TAFA2: variants seen among roughly 807,000 people sequenced by gnomAD.
The protein encoded by TAFA2 is TAFA chemokine like family member 2.
Under a neutral mutation model 18.8 loss-of-function variants are expected in TAFA2, and 7 were observed. That is an observed-to-expected ratio of 0.37 (90% CI 0.21 to 0.70). The LOEUF is 0.70. TAFA2 is among the 30% of genes least tolerant of loss of function. The probability of loss-of-function intolerance (pLI) is 0.53; values close to 1 mark genes in which losing one functional copy is unlikely to be tolerated. For synonymous variants in TAFA2, 60 were observed against 54.2 expected (o/e 1.11, Z -0.47); for missense variants, 122 against 158.1 (o/e 0.77, Z 1.23).
chr12:62,141,304 T>TA (rs1024089941), intron 1 of TAFA2, among the ~76,000 whole-genome samples: 52 of 152,326 alleles, frequency 3.4e-4, no homozygotes, highest in African/African-American at 1.0e-3. Context: ...AATTGACCTA[T>TA]AGCACTGCGA....
At chr12:61,896,113 G>T (rs147977175) in intron 1 of TAFA2, among the ~76,000 whole-genome samples, 8 of 152,232 alleles carry the variant, frequency 5.3e-5, no homozygotes, top group Middle Eastern at 6.8e-3. Context: ...AAAGGGTGAT[G>T]GGTCAGCAGG....
chr12:61,776,357 GA>G, intron 2 of TAFA2: 1 of 169,956 alleles, frequency 5.9e-6, no homozygotes, highest in Non-Finnish European at 1.3e-5. Flanking sequence ...AGAACCAACG[GA>G]AAGGAGCCTG....
intron 1 of TAFA2, among the ~76,000 whole-genome samples, chr12:62,066,932 C>A (rs1345634551): frequency 6.6e-6 from 1 of 152,074 alleles, no homozygotes; most frequent in Non-Finnish European, 1.5e-5. Flanking sequence ...TTCCTACCAA[C>A]AGTGTAGAGG....
intron 4 of TAFA2, among the ~76,000 whole-genome samples, chr12:61,736,233 G>C (rs369261600): frequency 6.6e-6 from 1 of 151,960 alleles, no homozygotes; most frequent in Non-Finnish European, 1.5e-5. Flanking sequence ...ACTAATCTCT[G>C]TTAGTCTTCA....
chr12:61,769,490 C>T (rs1337560492), intron 2 of TAFA2, among the ~76,000 whole-genome samples: 1 of 152,054 alleles, frequency 6.6e-6, no homozygotes, highest in Non-Finnish European at 1.5e-5. Context: ...GTCCACTTTA[C>T]TCCCCTGCTA....
chr12:61,765,627 T>C (rs559393951), intron 2 of TAFA2, among the ~76,000 whole-genome samples: 1 of 152,180 alleles, frequency 6.6e-6, no homozygotes, highest in East Asian at 1.9e-4. Flanking sequence ...ATAGGTGAAA[T>C]AGGAATTGTG....
chr12:62,227,011 C>G (rs1306357665), intron 1 of TAFA2, among the ~76,000 whole-genome samples: 1 of 152,200 alleles, frequency 6.6e-6, no homozygotes, highest in Non-Finnish European at 1.5e-5. Flanking sequence ...TGGGAACACC[C>G]TGCTTAAAAT....
upstream of TAFA2, among the ~76,000 whole-genome samples, chr12:62,196,052 A>T (rs1255490333): frequency 1.3e-5 from 2 of 152,218 alleles, no homozygotes; most frequent in Non-Finnish European, 2.9e-5. Context: ...CTACCTAAGC[A>T]CTTACTGCCT....
chr12:61,952,973 G>A (rs1222880796), intron 1 of TAFA2, among the ~76,000 whole-genome samples: 1 of 151,946 alleles, frequency 6.6e-6, no homozygotes, highest in Non-Finnish European at 1.5e-5. Flanking sequence ...AGAGAACCAA[G>A]ACCAAAGTCT....
chr12:61,910,710 T>G (rs1235906815), intron 1 of TAFA2, among the ~76,000 whole-genome samples: 1 of 152,160 alleles, frequency 6.6e-6, no homozygotes, highest in Non-Finnish European at 1.5e-5. Flanking sequence ...CACACATAAC[T>G]ATGAAAGTGG....
At chr12:61,970,412 T>C (rs985559656) in intron 1 of TAFA2, among the ~76,000 whole-genome samples, 5 of 151,648 alleles carry the variant, frequency 3.3e-5, no homozygotes, top group African/African-American at 1.2e-4. Flanking sequence ...TCGGAAGCTA[T>C]AATTGTTAAA....
chr12:61,935,495 C>A (rs1479747190), intron 1 of TAFA2, among the ~76,000 whole-genome samples: 1 of 152,144 alleles, frequency 6.6e-6, no homozygotes, highest in Non-Finnish European at 1.5e-5. Flanking sequence ...CAAAGTCCAT[C>A]CAATATACCA....
At chr12:62,050,129 AAG>A (rs1882012532) in intron 1 of TAFA2, among the ~76,000 whole-genome samples, 1 of 152,238 alleles carries the variant, frequency 6.6e-6, no homozygotes, top group East Asian at 1.9e-4. Flanking sequence ...CTCTTTTGAA[AAG>A]AGAATTTTGA....
At chr12:61,883,558 G>A (rs1430413283) in intron 1 of TAFA2, among the ~76,000 whole-genome samples, 4 of 152,176 alleles carry the variant, frequency 2.6e-5, no homozygotes, top group Admixed American at 1.3e-4. Flanking sequence ...CAAAGGACTT[G>A]TAATAAAGGA....
intron 1 of TAFA2, among the ~76,000 whole-genome samples, chr12:62,158,813 T>C (rs1475685292): frequency 6.6e-6 from 1 of 152,186 alleles, no homozygotes; most frequent in East Asian, 1.9e-4. Flanking sequence ...ATCTCCTGAG[T>C]TGTCTCCATT....
intron 1 of TAFA2, among the ~76,000 whole-genome samples, chr12:62,010,034 A>T (rs879665421): frequency 3.3e-5 from 5 of 152,176 alleles, no homozygotes; most frequent in African/African-American, 4.8e-5. Flanking sequence ...AAATGTGCCT[A>T]AGAAACACAC....
At chr12:62,114,737 C>T (rs1869885770) in intron 1 of TAFA2, among the ~76,000 whole-genome samples, 1 of 152,132 alleles carries the variant, frequency 6.6e-6, no homozygotes, top group South Asian at 2.1e-4. Context: ...AACTATAGGG[C>T]CAGCCTTTGA....
In TAFA2 at chr12:62,231,153, T is replaced by C. The variant is rs937592019; in HGVS notation, c.-130+27610A>G. Among the ~76,000 whole-genome samples the C allele has an allele frequency of 3.3e-5, 5 of 152,336 alleles. No individual in the cohort carries two copies. The East Asian group carries it at 9.6e-4, about 29-fold the overall frequency. ...AGCTGGGTGTTGAAGTCCCATACTATTACTGTATTGCAGTCCATCTCTCCC... is the reference window on the plus strand; with the variant it reads ...AGCTGGGTGTTGAAGTCCCATACTACTACTGTATTGCAGTCCATCTCTCCC... On this transcript the variant is annotated intron_variant, in intron 1 of 5. Coordinates refer to the TAFA2 transcript ENST00000551619.
At position 61,801,804 on chromosome 12, in the gene TAFA2, T is replaced by G. The variant is rs551162994; in HGVS notation, c.107-46780A>C. On this transcript the variant is annotated intron_variant, in intron 2 of 4. Transcript: ENST00000416284. The stretch of plus-strand genomic sequence containing the variant: ...TGGCTCTACACAGCAAAAGAAACAA[T>G]CAATAGAATGATGAGATAACCTATA... 9.2e-5 allele frequency among the ~76,000 whole-genome samples: 14 copies of G among 151,934 alleles called. No individual in the cohort carries two copies. The South Asian group carries it at 2.7e-3, about 29-fold the overall frequency.
Sources: gnomAD v4.1 joint callset for allele counts (sites outside exome capture counted in the v4.1 genomes callset) on GRCh38, gnomAD v4.1.1 for gene constraint, MANE v1.5 for transcripts, NCBI Gene and HGNC (gene_info 2026-07-23, HGNC 2026-07-21) for gene names.